Variants in FARS2 observed in about 807,000 individuals in gnomAD.
FARS2 encodes the protein phenylalanyl-tRNA synthetase 2, mitochondrial.
A neutral mutation model predicts 46.4 loss-of-function variants in FARS2; 40 were observed. The ratio of observed to expected loss-of-function variants is 0.86; its 90% CI spans 0.67 to 1.12. FARS2 has a LOEUF of 1.12. Ranked by LOEUF, FARS2 falls within the 50% of genes most tolerant of loss-of-function variation. FARS2 has a pLI of 0.00. For missense variants in FARS2, 513 were observed against 567.9 expected (o/e 0.90, Z 0.98); for synonymous variants, 234 against 214.9 (o/e 1.09, Z -0.78).
intron 3 of FARS2, among the ~76,000 whole-genome samples, chr6:5,409,686 A>T (rs1321234705): frequency 1.3e-5 from 2 of 152,226 alleles, no homozygotes; most frequent in African/African-American, 4.8e-5. Flanking sequence ...CTTGGATAAT[A>T]CATGTTGGTT....
intron 1 of FARS2, among the ~76,000 whole-genome samples, chr6:5,305,873 TG>T (rs972060502): frequency 3.7e-4 from 56 of 152,322 alleles, no homozygotes; most frequent in African/African-American, 1.3e-3. Context: ...AGTAGTCAGA[TG>T]GGGGTATGAA....
rs890575883 is a variant in FARS2 at position 5,670,784 on chromosome 6, G to A, written c.1217+57464G>A. Among the ~76,000 whole-genome samples the A allele has an allele frequency of 5.3e-5, 8 of 151,952 alleles. No homozygotes were observed. The South Asian group carries it at 8.3e-4, about 16-fold the overall frequency. ...TTAAGTGCTGCCATGCAGTGTCATC[G>A]CTCCAAAAGCTTATCACATTGTTCA... is the stretch of plus-strand genomic sequence containing the variant. On this transcript the variant is annotated intron_variant, in intron 6 of 6. Coordinates refer to ENST00000274680, the MANE Select transcript of FARS2 (RefSeq NM_006567.5).
At chr6:5,631,577 A>C (rs1295833173) in intron 6 of FARS2, among the ~76,000 whole-genome samples, 1 of 152,242 alleles carries the variant, frequency 6.6e-6, no homozygotes, top group Non-Finnish European at 1.5e-5. Context: ...GTGCTCCTGC[A>C]TCCTGTCTGT....
intron 1 of FARS2, among the ~76,000 whole-genome samples, chr6:5,331,664 G>C (rs912338323): frequency 6.6e-6 from 1 of 152,274 alleles, no homozygotes; most frequent in East Asian, 1.9e-4. Context: ...GGTCAGAGTG[G>C]GGTTGAGTCT....
intron 4 of FARS2, among the ~76,000 whole-genome samples, chr6:5,462,016 C>A (rs148264246): frequency 6.6e-6 from 1 of 152,102 alleles, no homozygotes; most frequent in Non-Finnish European, 1.5e-5. Context: ...CTAAAGTGAC[C>A]GTACATGAGC....
chr6:5,459,659 A>G (rs952594410), intron 4 of FARS2, among the ~76,000 whole-genome samples: 3 of 151,978 alleles, frequency 2.0e-5, no homozygotes, highest in Non-Finnish European at 4.4e-5. Context: ...TACTCTTTTT[A>G]AAAAAAGACT....
intron 5 of FARS2, among the ~76,000 whole-genome samples, chr6:5,597,666 A>G (rs1277671631): frequency 1.3e-5 from 2 of 152,186 alleles, no homozygotes; most frequent in Non-Finnish European, 2.9e-5. Context: ...ATTTGGCCCA[A>G]AAGAAAATAA....
intron 5 of FARS2, among the ~76,000 whole-genome samples, chr6:5,572,897 CCAT>C (rs1181559538): frequency 6.6e-6 from 1 of 152,148 alleles, no homozygotes; most frequent in Non-Finnish European, 1.5e-5. Flanking sequence ...CTATTTCTGG[CCAT>C]CATCCACATA....
At chr6:5,260,581 TCAGCCCGCACCCC>T, upstream of FARS2, 1 of 1,396,638 alleles carries the variant, frequency 7.2e-7, no homozygotes, top group Non-Finnish European at 9.7e-7. Context: ...ATATTCCGCG[TCAGCCCGCACCCC>T]CGGTCCCCGG....
chr6:5,691,685 G>A (rs994595279), intron 6 of FARS2, among the ~76,000 whole-genome samples: 23 of 152,204 alleles, frequency 1.5e-4, no homozygotes, highest in Admixed American at 7.2e-4. Flanking sequence ...CTCCAGCTGC[G>A]TGCTGGGAGA....
At chr6:5,737,408 G>A (rs1265093247) in intron 6 of FARS2, among the ~76,000 whole-genome samples, 2 of 152,208 alleles carry the variant, frequency 1.3e-5, no homozygotes, top group African/African-American at 4.8e-5. Context: ...GCATGTGCCT[G>A]TAGTCCCAGC....
At chr6:5,372,682 A>G (rs937914680) in intron 2 of FARS2, among the ~76,000 whole-genome samples, 3 of 152,178 alleles carry the variant, frequency 2.0e-5, no homozygotes, top group Non-Finnish European at 4.4e-5. Flanking sequence ...ACTGACCAGC[A>G]ATGAAAATAC....
At chr6:5,709,026 C>T (rs559930583) in intron 6 of FARS2, among the ~76,000 whole-genome samples, 2 of 152,274 alleles carry the variant, frequency 1.3e-5, no homozygotes, top group African/African-American at 2.4e-5. Context: ...CCTCCCTTGT[C>T]GTGAACAACA....
At chr6:5,500,333 A>G (rs949824487) in intron 4 of FARS2, among the ~76,000 whole-genome samples, 1 of 152,234 alleles carries the variant, frequency 6.6e-6, no homozygotes, top group Admixed American at 6.5e-5. Flanking sequence ...GAAAGTACTC[A>G]TAGAAATGCA....
chr6:5,673,656 T>C (rs1486227272), intron 6 of FARS2, among the ~76,000 whole-genome samples: 1 of 152,158 alleles, frequency 6.6e-6, no homozygotes, highest in Non-Finnish European at 1.5e-5. Flanking sequence ...GAAATGAAGC[T>C]TCTTTGCTGC....
In FARS2 at chr6:5,469,592, C is replaced by T. The variant is rs556791340; in HGVS notation, c.904+38420C>T. On this transcript the variant is annotated intron_variant, in intron 4 of 6. Transcript: ENST00000274680. ...TGTAGAATGTTCTGTACACTGCCCT[C>T]GGCATCTCTTAAAGGAACTGGGTTT... Among the ~76,000 whole-genome samples the T allele has an allele frequency of 8.3e-4, 127 of 152,328 alleles. 1 individual carries two copies. The highest frequency in any genetic ancestry group is 2.3e-3 in the African/African-American group (95 of 41,584).
At chr6:5,386,473 T>C (rs1020108528) in intron 2 of FARS2, among the ~76,000 whole-genome samples, 4 of 152,046 alleles carry the variant, frequency 2.6e-5, no homozygotes, top group South Asian at 2.1e-4. Flanking sequence ...TTTAGAAAAA[T>C]AATTCTGCAA....
At chr6:5,586,843 T>A (rs962302479) in intron 5 of FARS2, among the ~76,000 whole-genome samples, 5 of 152,194 alleles carry the variant, frequency 3.3e-5, no homozygotes, top group Admixed American at 2.6e-4. Context: ...CACTTAGGAT[T>A]GGCTTTTTGG....
intron 2 of FARS2, among the ~76,000 whole-genome samples, chr6:5,386,980 G>T (rs1449068362): frequency 6.6e-6 from 1 of 152,162 alleles, no homozygotes; most frequent in African/African-American, 2.4e-5. Context: ...ACTGTAGAGG[G>T]CTGAAAACGA....
Sources: gnomAD v4.1 joint callset for allele counts (sites outside exome capture counted in the v4.1 genomes callset) on GRCh38, gnomAD v4.1.1 for gene constraint, MANE v1.5 for transcripts, NCBI Gene and HGNC (gene_info 2026-07-23, HGNC 2026-07-21) for gene names.